The following ITFG1 variants were observed in gnomAD, a reference collection of about 807,000 sequenced individuals.
ITFG1 encodes the protein T-cell immunomodulatory protein.
Under a neutral mutation model 81.8 loss-of-function variants are expected in ITFG1, and 34 were observed. That is an observed-to-expected ratio of 0.42 (90% CI 0.32 to 0.55). ITFG1 has a LOEUF of 0.55. Ranked by LOEUF, ITFG1 falls within the 20% of genes least tolerant of loss-of-function variation. The probability of loss-of-function intolerance (pLI) is 0.17; values close to 1 mark genes in which losing one functional copy is unlikely to be tolerated. For synonymous variants in ITFG1, 285 were observed against 270.6 expected (o/e 1.05, Z -0.52); for missense variants, 672 against 755.4 (o/e 0.89, Z 1.29).
chr16:47,241,276 C>T (rs182278752), intron 12 of ITFG1, among the ~76,000 whole-genome samples: 83 of 152,220 alleles, frequency 5.5e-4, no homozygotes, highest in African/African-American at 1.9e-3. Context: ...CTCCTTTGAC[C>T]CAGTAATTCA....
At chr16:47,352,403 T>C (rs1424200250) in intron 8 of ITFG1, among the ~76,000 whole-genome samples, 1 of 152,110 alleles carries the variant, frequency 6.6e-6, no homozygotes, top group Non-Finnish European at 1.5e-5. Flanking sequence ...GCGAAGGATA[T>C]GAACAGACAC....
At chr16:47,233,451 C>A (rs916287376) in intron 13 of ITFG1, among the ~76,000 whole-genome samples, 3 of 152,214 alleles carry the variant, frequency 2.0e-5, no homozygotes, top group African/African-American at 7.2e-5. Context: ...CTCACACTTA[C>A]ACTTTTGTTG....
chr16:47,348,783 G>A (rs1367628555), intron 8 of ITFG1, among the ~76,000 whole-genome samples: 3 of 152,056 alleles, frequency 2.0e-5, no homozygotes, highest in Non-Finnish European at 4.4e-5. Flanking sequence ...TTGAAATGAA[G>A]GAAAAAATGT....
rs369088592 is a variant in ITFG1 at position 47,180,198 on chromosome 16, G to A, written c.1454-17534C>T. Among the ~76,000 whole-genome samples, 104 of 152,234 alleles carry A rather than the reference G, an allele frequency of 6.8e-4. 1 individual carries two copies. The South Asian group carries it at 0.011, about 16-fold the overall frequency. ...TGGGAGTAAATAAATTTGTGCAGTT[G>A]TTTTAGTTTTCCTTGAAGTCTTATG... On this transcript the variant is annotated intron_variant, in intron 14 of 17. Transcript: ENST00000320640.
At chr16:47,336,549 A>G (rs886834987) in intron 8 of ITFG1, among the ~76,000 whole-genome samples, 2 of 152,272 alleles carry the variant, frequency 1.3e-5, no homozygotes, top group Non-Finnish European at 2.9e-5. Context: ...AACTAAGGAC[A>G]GAAAAGCAGC....
chr16:47,208,084 C>G (rs1965523262), intron 14 of ITFG1, among the ~76,000 whole-genome samples: 1 of 152,124 alleles, frequency 6.6e-6, no homozygotes, highest in African/African-American at 2.4e-5. Flanking sequence ...GACTTGAAAT[C>G]AGGAGTGCTG....
At chr16:47,344,905 CTTTT>C (rs1159804588) in intron 8 of ITFG1, among the ~76,000 whole-genome samples, 1 of 152,146 alleles carries the variant, frequency 6.6e-6, no homozygotes, top group Non-Finnish European at 1.5e-5. Flanking sequence ...GGATCTCATT[CTTTT>C]TTATGACTGA....
intron 8 of ITFG1, among the ~76,000 whole-genome samples, chr16:47,350,775 A>G (rs1967940563): frequency 6.6e-6 from 1 of 152,222 alleles, no homozygotes; most frequent in Non-Finnish European, 1.5e-5. Flanking sequence ...AGATAATTTT[A>G]GACCAATATC....
At chr16:47,163,015 C>T (rs1055812873) in intron 14 of ITFG1, among the ~76,000 whole-genome samples, 2 of 152,038 alleles carry the variant, frequency 1.3e-5, no homozygotes, top group South Asian at 2.1e-4. Context: ...CTATGTTGCC[C>T]GGCCTTGAAC....
chr16:47,398,809 C>T (rs1246918215), intron 6 of ITFG1, among the ~76,000 whole-genome samples: 1 of 152,182 alleles, frequency 6.6e-6, no homozygotes, highest in Non-Finnish European at 1.5e-5. Flanking sequence ...CGTTAAAGAG[C>T]TAATACTATT....
At chr16:47,213,630 T>C (rs1384485657) in intron 14 of ITFG1, among the ~76,000 whole-genome samples, 3 of 152,068 alleles carry the variant, frequency 2.0e-5, no homozygotes, top group Non-Finnish European at 4.4e-5. Context: ...GGGCTGAAGG[T>C]TGAGCTGATT....
rs151295131 is a variant in ITFG1 at position 47,239,355 on chromosome 16, C to G, written c.1331-1347G>C. On this transcript the variant is annotated intron_variant, in intron 12 of 17. Coordinates refer to ENST00000320640, the MANE Select transcript of ITFG1 (RefSeq NM_030790.5). ...AGCTGGGACTACAGGTGCACGCCAC[C>G]ACACCCAGCTAATTTTTGTATTTTT... 3.3e-3 allele frequency among the ~76,000 whole-genome samples: 504 copies of G among 152,226 alleles called. 1 individual carries two copies. Among genetic ancestry groups the G allele is most frequent in the African/African-American group, 0.012 (478 of 41,544 alleles).
chr16:47,403,971 T>C (rs867760626), intron 6 of ITFG1, among the ~76,000 whole-genome samples: 4 of 152,132 alleles, frequency 2.6e-5, no homozygotes, highest in African/African-American at 9.6e-5. Context: ...CCACTGATTC[T>C]ACATTATGGT....
chr16:47,403,825 C>T (rs111318543), intron 6 of ITFG1, among the ~76,000 whole-genome samples: 8 of 150,474 alleles, frequency 5.3e-5, no homozygotes, highest in Middle Eastern at 3.4e-3. Flanking sequence ...GAGACAGAAA[C>T]GCTTACTCTA....
intron 8 of ITFG1, among the ~76,000 whole-genome samples, chr16:47,337,453 C>T (rs1366779621): frequency 6.6e-6 from 1 of 152,020 alleles, no homozygotes; most frequent in Non-Finnish European, 1.5e-5. Context: ...ACCTATAATC[C>T]CAGCTACTGG....
chr16:47,257,567 A>G (rs1966154895), intron 12 of ITFG1, among the ~76,000 whole-genome samples: 1 of 152,258 alleles, frequency 6.6e-6, no homozygotes. Flanking sequence ...AGATATCTAC[A>G]AAAACAGACG....
intron 10 of ITFG1, among the ~76,000 whole-genome samples, chr16:47,266,427 C>G (rs887398272): frequency 2.6e-5 from 4 of 152,094 alleles, no homozygotes; most frequent in African/African-American, 9.7e-5. Flanking sequence ...CATGTTGGCC[C>G]GGCTGGTCTT....
intron 9 of ITFG1, 152 bp from the exon 10 acceptor site, chr16:47,311,564 C>G (rs539456450): frequency 3.5e-5 from 18 of 510,296 alleles, no homozygotes; most frequent in Non-Finnish European, 5.9e-5. Flanking sequence ...ATAATTTACT[C>G]TGATGAATAG....
chr16:47,218,144 T>C (rs1965648221), intron 14 of ITFG1: 1 of 152,168 alleles, frequency 6.6e-6, no homozygotes, highest in African/African-American at 2.4e-5. Flanking sequence ...GTTCTTCCTT[T>C]TTCTTTTTTG....
Sources: allele counts gnomAD v4.1 joint callset (sites outside exome capture counted in the v4.1 genomes callset), GRCh38; gene constraint gnomAD v4.1.1; transcripts MANE v1.5; gene names NCBI Gene and HGNC (gene_info 2026-07-23, HGNC 2026-07-21).